Variants in METAP1D observed in about 807,000 individuals in gnomAD.
METAP1D encodes the protein methionyl aminopeptidase type 1D, mitochondrial, also known as methionine aminopeptidase 1D, mitochondrial.
In METAP1D, 31 loss-of-function variants were observed where a neutral mutation model predicts 40.5. That is an observed-to-expected ratio of 0.77 (90% CI 0.58 to 1.03). The LOEUF is 1.03. METAP1D is among the 50% of genes least tolerant of loss of function. METAP1D has a pLI of 0.00. For missense variants in METAP1D, 411 were observed against 420.7 expected (o/e 0.98, Z 0.20); for synonymous variants, 151 against 146.4 (o/e 1.03, Z -0.22).
chr2:172,040,236 G>A (rs1236815767), intron 1 of METAP1D, among the ~76,000 whole-genome samples: 6 of 152,188 alleles, frequency 3.9e-5, no homozygotes, highest in Admixed American at 2.6e-4. Flanking sequence ...GATTACAGGC[G>A]TGAGCCACTG....
At position 172,061,548 on chromosome 2, in the gene METAP1D, C is replaced by A; in HGVS notation, c.91C>A (p.Gln31Lys). ...SPLNHIYLHK[Q>K]SSSQQRRNFF... ...ACTCAATCATATCTACTTACACAAG[C>A]AGTCAAGCAGTCAACAAAGAAGAAA... The change falls in exon 2 of 10, where the codon CAG becomes AAG. Residue 31 changes from glutamine to lysine, a missense_variant. Transcript: ENST00000315796. 6.2e-7 allele frequency: 1 copy of A among 1,613,644 alleles called. No homozygotes were observed. The highest frequency in any genetic ancestry group is 8.5e-7 in the Non-Finnish European group (1 of 1,179,736).
intron 1 of METAP1D, among the ~76,000 whole-genome samples, chr2:172,009,752 G>A (rs550622847): frequency 6.6e-6 from 1 of 152,268 alleles, no homozygotes; most frequent in East Asian, 1.9e-4. Context: ...TGTTCTGAAT[G>A]TATTGGAGAG....
Position 172,063,722 on chromosome 2 carries a change from G to A in METAP1D, c.210G>A (p.Lys70=). The stretch of plus-strand genomic sequence containing the variant: ...CCTTTTTCCTCAAGCACATAAAGAA[G>A]CCAGACTATGTGACGACAGGCATTG... ...SAHPVPKHIK[K]PDYVTTGIVP... Residue 70 remains lysine, a synonymous_variant, in exon 3 of 10, where the codon AAG becomes AAA. Coordinates refer to ENST00000315796, the MANE Select transcript of METAP1D (RefSeq NM_199227.3). 6.2e-7 allele frequency: 1 copy of A among 1,613,440 alleles called. No individual in the cohort carries two copies. The highest frequency in any genetic ancestry group is 8.5e-7 in the Non-Finnish European group (1 of 1,179,560).
chr2:172,066,602 T>C (rs1690286564), intron 5 of METAP1D, among the ~76,000 whole-genome samples: 1 of 152,214 alleles, frequency 6.6e-6, no homozygotes, highest in Non-Finnish European at 1.5e-5. Context: ...TTGTTATTGA[T>C]CCACTGTGTA....
In METAP1D at chr2:172,041,727, TATATATATATA is replaced by T. The variant is rs1471394454; in HGVS notation, c.41-19770_41-19760del. ...TTTAATTTCCTTACTCTAATTATTT[TATATATATATA>T]TATATATATATATATATATATATAT... is the stretch of plus-strand genomic sequence containing the variant. On this transcript the variant is annotated intron_variant, in intron 1 of 9. Transcript: ENST00000315796. Among the ~76,000 whole-genome samples, 4 of 2,940 alleles carry T rather than the reference TATATATATATA, an allele frequency of 1.4e-3. 1 individual carries two copies. The highest frequency in any genetic ancestry group is 3.6e-3 in the Admixed American group (1 of 274). 1.9% of individuals were successfully genotyped at this position (2,940 alleles called of 152,430 possible).
At chr2:172,025,237 A>G (rs996167920) in intron 1 of METAP1D, among the ~76,000 whole-genome samples, 3 of 152,206 alleles carry the variant, frequency 2.0e-5, no homozygotes, top group African/African-American at 2.4e-5. Context: ...TACTGATGCA[A>G]TTATTGGACC....
At chr2:172,071,125 T>C in intron 6 of METAP1D, 55 bp downstream of exon 6, 1 of 1,437,230 alleles carries the variant, frequency 7.0e-7, no homozygotes, top group Non-Finnish European at 9.2e-7. Flanking sequence ...CAAAGGTTAT[T>C]GGTGGCTTGG....
chr2:172,058,198 C>T (rs754398898), intron 1 of METAP1D, among the ~76,000 whole-genome samples: 5 of 152,162 alleles, frequency 3.3e-5, no homozygotes, highest in Non-Finnish European at 7.4e-5. Context: ...GATGGGATCT[C>T]ACGATCCTCC....
chr2:172,045,520 G>T (rs1689717926), intron 1 of METAP1D, among the ~76,000 whole-genome samples: 1 of 148,186 alleles, frequency 6.7e-6, no homozygotes. Context: ...AATTAGCCGG[G>T]CGTGGTGGCG....
intron 1 of METAP1D, among the ~76,000 whole-genome samples, chr2:172,049,049 A>G (rs1419387642): frequency 1.3e-5 from 2 of 152,178 alleles, no homozygotes; most frequent in African/African-American, 2.4e-5. Context: ...CAGCAGCGCA[A>G]TCTTGGCTCA....
chr2:172,042,528 T>C lies in METAP1D; in HGVS notation c.41-18970T>C, dbSNP rs563453496. On this transcript the variant is annotated intron_variant, in intron 1 of 9. Transcript: ENST00000315796. ...ATATACATATGTATGTGTACATGTG[T>C]ACATATATACATATATGTGTGTATG... Among the ~76,000 whole-genome samples, 6 of 51,384 alleles carry C rather than the reference T, an allele frequency of 1.2e-4. 3 individuals are homozygous for C. The highest frequency in any genetic ancestry group is 4.9e-4 in the African/African-American group (6 of 12,356). 33.7% of individuals were successfully genotyped at this position (51,384 alleles called of 152,430 possible).
At chr2:172,044,364 T>G (rs1689683080) in intron 1 of METAP1D, among the ~76,000 whole-genome samples, 3 of 101,672 alleles carry the variant, frequency 3.0e-5, no homozygotes, top group Non-Finnish European at 6.3e-5. Context: ...ATCAAGACCA[T>G]CCTGGCAAAC....
chr2:172,049,015 C>T (rs1055233890), intron 1 of METAP1D, among the ~76,000 whole-genome samples: 2 of 152,034 alleles, frequency 1.3e-5, no homozygotes, highest in South Asian at 2.1e-4. Context: ...GGCAGGGTTT[C>T]GCTCTGTTGC....
rs1322955827 is a variant in METAP1D, at chr2:172,042,955, G to A, written c.41-18543G>A. ...TGTGTATACACGTATGCGTACCTGT[G>A]TATATATATGCGTACATGTGCATAC... is the stretch of plus-strand genomic sequence containing the variant. On this transcript the variant is annotated intron_variant, in intron 1 of 9. Transcript: ENST00000315796. 1.6e-5 allele frequency among the ~76,000 whole-genome samples: 2 copies of A among 126,000 alleles called. 1 individual carries two copies. Among genetic ancestry groups the A allele is most frequent in the Non-Finnish European group, 3.7e-5 (2 of 54,466 alleles). The allele number at this position is 126,000 out of a possible 152,430, so 82.7% of individuals were successfully genotyped here.
chr2:172,070,609 C>T lies in METAP1D; in HGVS notation c.541-298C>T, dbSNP rs368528073. On this transcript the variant is annotated intron_variant, in intron 5 of 9. Coordinates refer to ENST00000315796, the MANE Select transcript of METAP1D (RefSeq NM_199227.3). ...CTAATTTTTGCTTATATAATTTTGT[C>T]TTCTCAGAAATAAAGTGAGGAATCA... The T allele has an allele frequency of 1.0e-4, 16 of 155,578 alleles. No individual in the cohort carries two copies. In the East Asian group the frequency reaches 2.8e-3, roughly 27 times the overall value. 9.6% of individuals were successfully genotyped at this position (155,578 alleles called of 1,614,324 possible). A position where few individuals can be genotyped will look rare whatever the true frequency, so the allele number is the denominator to read the frequency against.
intron 1 of METAP1D, among the ~76,000 whole-genome samples, chr2:172,042,211 ATGTG>A (rs2105437342): frequency 3.6e-5 from 1 of 27,586 alleles, no homozygotes; most frequent in Middle Eastern, 0.042. Context: ...ATACATATGT[ATGTG>A]TACATGTGTA....
rs955056860 is a variant in METAP1D at position 172,081,424 on chromosome 2, C to T, written c.*1018C>T. 2 of 152,280 alleles carry T rather than the reference C, an allele frequency of 1.3e-5. No individual in the cohort carries two copies. Among genetic ancestry groups the T allele is most frequent in the African/African-American group, 4.8e-5 (2 of 41,462 alleles). The allele number at this position is 152,280 out of a possible 1,614,324, so 9.4% of individuals were successfully genotyped here. On this transcript the variant is annotated 3_prime_UTR_variant, in exon 10 of 10. Coordinates refer to ENST00000315796, the MANE Select transcript of METAP1D (RefSeq NM_199227.3). ...TACGGGCGCATTTGAGAGCAAGGGC[C>T]TACTTGGCCGGGACTGAAGCTTGCG...
Position 172,043,664 on chromosome 2 carries a change from TA to T in METAP1D, c.41-17826del, listed in dbSNP as rs929922827. ...TCATTTATTGTAGCAACCAAGGAGT[TA>T]AAAAAAACCAAGGATAGACAAATAA... is the stretch of plus-strand genomic sequence containing the variant. On this transcript the variant is annotated intron_variant, in intron 1 of 9. Coordinates refer to ENST00000315796, the MANE Select transcript of METAP1D (RefSeq NM_199227.3). 2.2e-5 allele frequency among the ~76,000 whole-genome samples: 3 copies of T among 133,970 alleles called. 1 individual carries two copies. Among genetic ancestry groups the T allele is most frequent in the Non-Finnish European group, 5.2e-5 (3 of 57,526 alleles). 87.9% of individuals were successfully genotyped at this position (133,970 alleles called of 152,430 possible). A position where few individuals can be genotyped will look rare whatever the true frequency, so the allele number is the denominator to read the frequency against.
chr2:172,022,104 A>C (rs1331637480), intron 1 of METAP1D, among the ~76,000 whole-genome samples: 1 of 152,136 alleles, frequency 6.6e-6, no homozygotes, highest in African/African-American at 2.4e-5. Context: ...ATATTTCATC[A>C]AATTTAGACA....
Sources: allele counts gnomAD v4.1 joint callset (sites outside exome capture counted in the v4.1 genomes callset), GRCh38; gene constraint gnomAD v4.1.1; transcripts MANE v1.5; gene names NCBI Gene and HGNC (gene_info 2026-07-23, HGNC 2026-07-21).